Variants in GOLGA1 observed in about 807,000 individuals in gnomAD.
GOLGA1 encodes golgin subfamily A member 1.
In GOLGA1, 63 loss-of-function variants were observed where a neutral mutation model predicts 119.7. The observed-to-expected ratio is 0.53, with a 90% CI of 0.43 to 0.65. The LOEUF (loss-of-function observed/expected upper bound fraction) is 0.65, where lower values mean the gene tolerates loss of function less well. GOLGA1 is among the 30% of genes least tolerant of loss of function. GOLGA1 has a pLI of 0.00. For synonymous variants in GOLGA1, 318 were observed against 333.4 expected (o/e 0.95, Z 0.50); for missense variants, 798 against 912.8 (o/e 0.87, Z 1.62).
At chr9:124,937,110 A>C (rs1830888383) in intron 3 of GOLGA1, among the ~76,000 whole-genome samples, 2 of 152,246 alleles carry the variant, frequency 1.3e-5, no homozygotes, top group African/African-American at 4.8e-5. Context: ...CTTTACATAT[A>C]TATTACATAC....
intron 3 of GOLGA1, among the ~76,000 whole-genome samples, chr9:124,937,252 G>A (rs899879663): frequency 6.6e-6 from 1 of 152,120 alleles, no homozygotes; most frequent in Non-Finnish European, 1.5e-5. Flanking sequence ...AGGAGTTCCA[G>A]ACCAGCCTGG....
At chr9:124,934,064 C>T (rs554177633) in intron 3 of GOLGA1, among the ~76,000 whole-genome samples, 15 of 152,184 alleles carry the variant, frequency 9.9e-5, no homozygotes, top group African/African-American at 3.4e-4. Context: ...CTTGGGGATC[C>T]TTGACACACA....
At chr9:124,895,731 C>T (rs1829968702) in intron 15 of GOLGA1, among the ~76,000 whole-genome samples, 1 of 151,624 alleles carries the variant, frequency 6.6e-6, no homozygotes, top group African/African-American at 2.4e-5. Flanking sequence ...ACAGAACCAT[C>T]CACAACAGAG....
At chr9:124,926,408 C>G (rs908168222) in intron 7 of GOLGA1, among the ~76,000 whole-genome samples, 1 of 152,142 alleles carries the variant, frequency 6.6e-6, no homozygotes, top group Admixed American at 6.5e-5. Flanking sequence ...ACTGGCTGAA[C>G]CCAACCGGAT....
rs1830224037 is a variant in GOLGA1, at chr9:124,906,096, G to A, written c.1065+2281C>T. On this transcript the variant is annotated intron_variant, in intron 12 of 22. Coordinates refer to ENST00000373555, the MANE Select transcript of GOLGA1 (RefSeq NM_002077.4). ...CTATTGCACTCTAGCCTGGGGGATA[G>A]AGTGAGACTGTGTCTCCAAAAAATA... 2.0e-5 allele frequency among the ~76,000 whole-genome samples: 3 copies of A among 146,776 alleles called. No homozygotes were observed. In the Admixed American group the frequency reaches 2.1e-4, roughly 10 times the overall value.
Position 124,881,804 on chromosome 9 carries a change from T to C in GOLGA1, c.2116A>G (p.Met706Val), listed in dbSNP as rs1318410136. ...EYLKHVVLKF[M>V]SCRESEAFHL... The stretch of plus-strand genomic sequence containing the variant: ...TTTACCTCGGATTCGCGACAAGACA[T>C]GAATTTTAAAACCACATGTTTAAGG... Residue 706 changes from methionine to valine, a missense_variant, in exon 21 of 23, where the codon ATG becomes GTG. Transcript: ENST00000373555. This position sits in a 1 kb window ranked among gnomAD's most constrained non-coding sequence, Gnocchi z 4.9. 2 of 1,610,642 alleles carry C rather than the reference T, an allele frequency of 1.2e-6. No homozygotes were observed. The highest frequency in any genetic ancestry group is 8.5e-7 in the Non-Finnish European group (1 of 1,178,720).
intron 9 of GOLGA1, 115 bp from the exon 10 acceptor site, chr9:124,921,355 C>A: frequency 1.4e-6 from 1 of 703,612 alleles, no homozygotes; most frequent in Non-Finnish European, 2.5e-6. Flanking sequence ...GCATCATTAG[C>A]CACATGCAGG....
chr9:124,923,701 C>T (rs1266908908), intron 7 of GOLGA1, among the ~76,000 whole-genome samples: 3 of 151,032 alleles, frequency 2.0e-5, no homozygotes, highest in Non-Finnish European at 4.4e-5. Flanking sequence ...GTTATCCAGG[C>T]TGATCTTGAA....
At chr9:124,929,950 T>C (rs762945849) in intron 4 of GOLGA1, among the ~76,000 whole-genome samples, 3 of 152,218 alleles carry the variant, frequency 2.0e-5, no homozygotes, top group Non-Finnish European at 4.4e-5. Flanking sequence ...AAGCAAATTA[T>C]TGGTCCTGTA....
intron 4 of GOLGA1, among the ~76,000 whole-genome samples, chr9:124,930,721 C>A (rs1446231309): frequency 6.6e-6 from 1 of 152,172 alleles, no homozygotes; most frequent in Non-Finnish European, 1.5e-5. Flanking sequence ...TGGCAGAAAC[C>A]AAAATAATAA....
At chr9:124,939,407 T>C (rs1336289503) in intron 2 of GOLGA1, among the ~76,000 whole-genome samples, 2 of 152,068 alleles carry the variant, frequency 1.3e-5, no homozygotes, top group Non-Finnish European at 2.9e-5. Context: ...AACTGTCCAA[T>C]AGGAAAAGCT....
At chr9:124,893,760 T>C (rs1438821401) in intron 15 of GOLGA1, among the ~76,000 whole-genome samples, 1 of 152,190 alleles carries the variant, frequency 6.6e-6, no homozygotes, top group Non-Finnish European at 1.5e-5. Flanking sequence ...AAAACTTAGA[T>C]AAACTTCCAG....
chr9:124,911,910 G>A lies in GOLGA1; in HGVS notation c.960C>T (p.Leu320=), dbSNP rs1468342349. 1.2e-6 allele frequency: 2 copies of A among 1,612,358 alleles called. No individual in the cohort carries two copies. The highest frequency in any genetic ancestry group is 4.5e-5 in the East Asian group (2 of 44,854). The change falls in exon 11 of 23, where the codon CTC becomes CTT. Residue 320 remains leucine, a synonymous_variant. Coordinates refer to ENST00000373555, the MANE Select transcript of GOLGA1 (RefSeq NM_002077.4). The part of the protein sequence containing the change: ...NLSGEEHLQE[L]LKEKTLAEQN... ...AGAGAACAGAAGTTACCTCTTTCAG[G>A]AGTTCTTGCAAGTGTTCTTCTCCTG...
intron 1 of GOLGA1, chr9:124,947,460 C>T (rs1343418733): frequency 1.3e-5 from 2 of 151,874 alleles, no homozygotes; most frequent in East Asian, 3.9e-4. Flanking sequence ...CCATTTTATC[C>T]AAACACAAGC....
At chr9:124,894,842 A>T (rs527765522) in intron 15 of GOLGA1, among the ~76,000 whole-genome samples, 1 of 152,352 alleles carries the variant, frequency 6.6e-6, no homozygotes, top group Non-Finnish European at 1.5e-5. Context: ...CTTATCATGC[A>T]TATTTGCAGC....
At chr9:124,891,086 G>A (rs1236860102) in intron 15 of GOLGA1, among the ~76,000 whole-genome samples, 1 of 152,192 alleles carries the variant, frequency 6.6e-6, no homozygotes, top group African/African-American at 2.4e-5. Context: ...TGTCCGGGAG[G>A]TCAAGGCTGC....
rs138046277 is a variant in GOLGA1, at chr9:124,889,154, T to G, written c.1750A>C (p.Asn584His). The change falls in exon 18 of 23, where the codon AAT becomes CAT. Residue 584 changes from asparagine to histidine, a missense_variant. Asn to His is a moderately conservative substitution (Grantham distance 68). Transcript: ENST00000373555. ...CAGCTGGGACTTACGTGCGACTCAT[T>G]GACTGAGAGTGCTTCGGCCTGCAAT... ...GPLQAEALSV[N>H]ESHVTSRAMQ... 6.2e-7 allele frequency: 1 copy of G among 1,610,068 alleles called. No homozygotes were observed. Among genetic ancestry groups the G allele is most frequent in the Non-Finnish European group, 8.5e-7 (1 of 1,178,692 alleles).
At chr9:124,899,223 T>C in intron 14 of GOLGA1, 106 bp downstream of exon 14, 1 of 1,003,416 alleles carries the variant, frequency 1.0e-6, no homozygotes, top group Non-Finnish European at 1.4e-6. Context: ...CCTTCTAAAG[T>C]GGTTTCCTAG....
intron 19 of GOLGA1, among the ~76,000 whole-genome samples, chr9:124,885,224 C>G (rs190066113): frequency 2.8e-4 from 42 of 152,086 alleles, no homozygotes; most frequent in African/African-American, 1.0e-3. Context: ...ACTTGGGAGG[C>G]TGAGGCAGGA....
Sources: allele counts gnomAD v4.1 joint callset (sites outside exome capture counted in the v4.1 genomes callset), GRCh38; gene constraint gnomAD v4.1.1; non-coding constraint Gnocchi (gnomAD v3.1); transcripts MANE v1.5; gene names NCBI Gene and HGNC (gene_info 2026-07-23, HGNC 2026-07-21).